THSD4: variants seen among roughly 807,000 people sequenced by gnomAD.
The protein encoded by THSD4 is thrombospondin type-1 domain-containing protein 4.
A neutral mutation model predicts 119.0 loss-of-function variants in THSD4; 69 were observed. The observed-to-expected ratio is 0.58, with a 90% CI of 0.48 to 0.71. THSD4 has a LOEUF of 0.71. THSD4 is among the 30% of genes least tolerant of loss of function. THSD4 has a pLI of 0.00. For missense variants in THSD4, 1,393 were observed against 1,391.1 expected (o/e 1.00, Z -0.02); for synonymous variants, 524 against 540.4 (o/e 0.97, Z 0.42).
chr15:71,739,105 A>C (rs1296198743), intron 11 of THSD4, among the ~76,000 whole-genome samples: 1 of 151,554 alleles, frequency 6.6e-6, no homozygotes, highest in Non-Finnish European at 1.5e-5. Flanking sequence ...TCAGAAAAAA[A>C]AAAAAAAAAC....
intron 7 of THSD4, among the ~76,000 whole-genome samples, chr15:71,432,848 A>C (rs1208069100): frequency 6.6e-6 from 1 of 152,082 alleles, no homozygotes; most frequent in African/African-American, 2.4e-5. Context: ...AAAGTAGACA[A>C]AATAATCTTT....
intron 7 of THSD4, among the ~76,000 whole-genome samples, chr15:71,649,282 T>C (rs1263968799): frequency 7.0e-6 from 1 of 142,850 alleles, no homozygotes; most frequent in Non-Finnish European, 1.5e-5. Flanking sequence ...GTTTGTTTTT[T>C]GTTTTTTTGA....
chr15:71,169,764 T>C (rs2043335969), intron 3 of THSD4, among the ~76,000 whole-genome samples: 1 of 152,118 alleles, frequency 6.6e-6, no homozygotes, highest in African/African-American at 2.4e-5. Context: ...AATAAATGAA[T>C]TGAGTCATAA....
intron 6 of THSD4, among the ~76,000 whole-genome samples, chr15:71,290,190 A>G (rs1459723626): frequency 2.6e-5 from 4 of 152,194 alleles, no homozygotes; most frequent in Admixed American, 2.6e-4. Flanking sequence ...GCAACAGTGT[A>G]TGAGACATGT....
At chr15:71,619,356 A>T (rs1287415492) in intron 7 of THSD4, among the ~76,000 whole-genome samples, 1 of 152,194 alleles carries the variant, frequency 6.6e-6, no homozygotes, top group East Asian at 1.9e-4. Context: ...AATTAAAAAG[A>T]TGAAAGCATT....
intron 7 of THSD4, among the ~76,000 whole-genome samples, chr15:71,430,179 C>T (rs2046922841): frequency 6.6e-6 from 1 of 151,894 alleles, no homozygotes; most frequent in South Asian, 2.1e-4. Flanking sequence ...TTAGTGATTC[C>T]AAGTCAGAAG....
intron 7 of THSD4, among the ~76,000 whole-genome samples, chr15:71,629,230 C>T (rs543078567): frequency 2.6e-5 from 4 of 152,264 alleles, no homozygotes; most frequent in African/African-American, 7.2e-5. Flanking sequence ...AGTAGAGACC[C>T]GCACTGTCTG....
At chr15:71,244,269 G>T (rs1418798176) in intron 5 of THSD4, among the ~76,000 whole-genome samples, 2 of 152,170 alleles carry the variant, frequency 1.3e-5, no homozygotes, top group Non-Finnish European at 2.9e-5. Flanking sequence ...TAAAATATCA[G>T]TTTAAAGACT....
intron 14 of THSD4, among the ~76,000 whole-genome samples, chr15:71,756,275 T>C (rs1242591006): frequency 6.6e-6 from 1 of 152,090 alleles, no homozygotes; most frequent in Non-Finnish European, 1.5e-5. Context: ...GCAAGACAGG[T>C]TAGAGAAATG....
At chr15:71,660,458 G>T (rs1184084902) in intron 7 of THSD4, 72 bp from the exon 8 acceptor site, 1 of 1,580,742 alleles carries the variant, frequency 6.3e-7, no homozygotes, top group Non-Finnish European at 8.7e-7. Flanking sequence ...CTTGCCCAGG[G>T]ATCTTCTCCC....
chr15:71,111,405 G>A, upstream of THSD4: 1 of 1,610,476 alleles, frequency 6.2e-7, no homozygotes, highest in African/African-American at 1.3e-5. Flanking sequence ...AACTCAGACT[G>A]TAGGTCAGCA....
intron 7 of THSD4, among the ~76,000 whole-genome samples, chr15:71,438,743 C>T (rs558374347): frequency 1.2e-4 from 19 of 152,174 alleles, no homozygotes; most frequent in African/African-American, 3.9e-4. Context: ...ACATACATTT[C>T]GAAAAAGAAG....
At chr15:71,551,474 G>C (rs1383945094) in intron 7 of THSD4, among the ~76,000 whole-genome samples, 1 of 152,218 alleles carries the variant, frequency 6.6e-6, no homozygotes, top group African/African-American at 2.4e-5. Flanking sequence ...AGGGCTGTGT[G>C]TTGGGGGTCT....
chr15:71,559,750 G>A (rs1161051353), intron 7 of THSD4, among the ~76,000 whole-genome samples: 1 of 152,144 alleles, frequency 6.6e-6, no homozygotes, highest in African/African-American at 2.4e-5. Flanking sequence ...TGCAAAGGAT[G>A]GCCTTTAGTT....
At chr15:71,469,622 G>A (rs146272847) in intron 7 of THSD4, among the ~76,000 whole-genome samples, 61 of 152,190 alleles carry the variant, frequency 4.0e-4, no homozygotes, top group South Asian at 8.3e-4. Flanking sequence ...ACATTTAGCC[G>A]GATATGTGTT....
chr15:71,407,896 G>A (rs1415304477), intron 6 of THSD4, among the ~76,000 whole-genome samples: 1 of 152,196 alleles, frequency 6.6e-6, no homozygotes, highest in East Asian at 1.9e-4. Flanking sequence ...CGCAGGTGAT[G>A]CTGGTGCTGC....
intron 6 of THSD4, among the ~76,000 whole-genome samples, chr15:71,270,603 G>C (rs987151434): frequency 1.3e-5 from 2 of 152,098 alleles, no homozygotes; most frequent in African/African-American, 4.8e-5. Flanking sequence ...ACTTGCCCAC[G>C]GTCACCTAGC....
intron 8 of THSD4, among the ~76,000 whole-genome samples, chr15:71,685,109 T>A (rs1229935921): frequency 6.6e-6 from 1 of 152,072 alleles, no homozygotes; most frequent in Admixed American, 6.5e-5. Flanking sequence ...TTCAAAAATG[T>A]CTTGGAGACC....
intron 6 of THSD4, among the ~76,000 whole-genome samples, chr15:71,378,957 T>A (rs953038701): frequency 6.6e-6 from 1 of 152,030 alleles, no homozygotes; most frequent in Non-Finnish European, 1.5e-5. Flanking sequence ...CTAATCTTTT[T>A]ATTTTATGTA....
Sources: gnomAD v4.1 joint callset for allele counts (sites outside exome capture counted in the v4.1 genomes callset) on GRCh38, gnomAD v4.1.1 for gene constraint, MANE v1.5 for transcripts, NCBI Gene and HGNC (gene_info 2026-07-23, HGNC 2026-07-21) for gene names.